Variants in SLIT3 observed in about 807,000 individuals in gnomAD.
SLIT3 encodes slit guidance ligand 3.
In SLIT3, 68 loss-of-function variants were observed where a neutral mutation model predicts 184.0. That is an observed-to-expected ratio of 0.37 (90% CI 0.30 to 0.45). The LOEUF (loss-of-function observed/expected upper bound fraction) is 0.45. Ranked by LOEUF, SLIT3 falls within the 20% of genes least tolerant of loss-of-function variation. The probability of loss-of-function intolerance (pLI) is 1.00; values close to 1 mark genes in which losing one functional copy is unlikely to be tolerated. For synonymous variants in SLIT3, 831 were observed against 828.6 expected, an observed-to-expected ratio of 1.00 and a Z score of -0.05; for missense variants, 1,707 against 2,026.0, an observed-to-expected ratio of 0.84 and a Z score of 3.02.
chr5:169,111,081 A>C (rs1321582639), intron 4 of SLIT3, among the ~76,000 whole-genome samples: 1 of 152,164 alleles, frequency 6.6e-6, no homozygotes, highest in African/African-American at 2.4e-5. Context: ...GCCTTGCTGT[A>C]AACTGCCCCA....
chr5:169,141,918 C>T (rs1761756286), intron 4 of SLIT3, among the ~76,000 whole-genome samples: 3 of 150,542 alleles, frequency 2.0e-5, no homozygotes, highest in Admixed American at 6.6e-5. Flanking sequence ...GGCGTGGTAG[C>T]GCATGCCTGT....
rs532307742 is a variant in SLIT3 at position 168,837,500 on chromosome 5, C to T, written c.557+7084G>A. Among the ~76,000 whole-genome samples, 4 of 152,292 alleles carry T rather than the reference C, an allele frequency of 2.6e-5. No homozygotes were observed. In the South Asian group the frequency reaches 6.2e-4, roughly 24 times the overall value. ...AATCAAAGGTAATGTGAAAAGTGGA[C>T]TGGTTCAGTAAAATACTACGTTGTT... On this transcript the variant is annotated intron_variant, in intron 6 of 35. Coordinates refer to ENST00000519560, the MANE Select transcript of SLIT3 (RefSeq NM_003062.4).
At chr5:168,871,177 TTCTC>T (rs200496570) in intron 5 of SLIT3, among the ~76,000 whole-genome samples, 2 of 152,130 alleles carry the variant, frequency 1.3e-5, no homozygotes, top group Non-Finnish European at 2.9e-5. Flanking sequence ...ACGTGGTCTT[TTCTC>T]TCTCTCTGCT....
rs1761039683 is a variant in SLIT3, at chr5:168,666,308, A to G, written c.*146T>C. The G allele has an allele frequency of 1.4e-6, 1 of 706,078 alleles. No homozygotes were observed. Among genetic ancestry groups the G allele is most frequent in the Admixed American group, 3.6e-5 (1 of 27,446 alleles). The allele number at this position is 706,078 out of a possible 1,614,324, so 43.7% of individuals were successfully genotyped here. A position where few individuals can be genotyped will look rare whatever the true frequency, so the allele number is the denominator to read the frequency against. ...TAAAAATAAGTTCTATTTTTTGTTTATTTTACAATATACTTAATATTCTCT... is the reference window on the plus strand; with the variant it reads ...TAAAAATAAGTTCTATTTTTTGTTTGTTTTACAATATACTTAATATTCTCT... On this transcript the variant is annotated 3_prime_UTR_variant, in exon 36 of 36. Coordinates refer to ENST00000519560, the MANE Select transcript of SLIT3 (RefSeq NM_003062.4).
chr5:168,807,468 T>A (rs1429864635), intron 8 of SLIT3, among the ~76,000 whole-genome samples: 1 of 152,172 alleles, frequency 6.6e-6, no homozygotes, highest in Admixed American at 6.5e-5. Flanking sequence ...GAGGTAAGAC[T>A]CTTAATCATA....
intron 18 of SLIT3, among the ~76,000 whole-genome samples, chr5:168,751,730 T>C (rs1184031528): frequency 1.6e-4 from 9 of 56,048 alleles, no homozygotes; most frequent in African/African-American, 1.5e-3. Flanking sequence ...AGTGACATCT[T>C]TTTTTTTTTT....
At chr5:168,893,189 A>G (rs966866839) in intron 4 of SLIT3, among the ~76,000 whole-genome samples, 1 of 152,214 alleles carries the variant, frequency 6.6e-6, no homozygotes, top group African/African-American at 2.4e-5. Context: ...GGTTTAATTT[A>G]TCAACCTTGG....
chr5:168,835,856 G>A (rs1581130283), intron 6 of SLIT3, among the ~76,000 whole-genome samples: 1 of 151,860 alleles, frequency 6.6e-6, no homozygotes, highest in South Asian at 2.1e-4. Flanking sequence ...AGTTTGTGTA[G>A]AGGTCTTGCT....
intron 4 of SLIT3, among the ~76,000 whole-genome samples, chr5:169,155,900 A>G (rs957775063): frequency 2.0e-5 from 3 of 152,206 alleles, no homozygotes; most frequent in African/African-American, 7.2e-5. Flanking sequence ...ACATCCCATA[A>G]GCTGCCTCTT....
At chr5:168,894,050 T>C (rs1008084122) in intron 4 of SLIT3, among the ~76,000 whole-genome samples, 3 of 152,228 alleles carry the variant, frequency 2.0e-5, no homozygotes, top group Admixed American at 6.5e-5. Context: ...CATCCTCTTA[T>C]CTTTTCCTGA....
At chr5:168,881,214 G>T (rs929347081) in intron 5 of SLIT3, among the ~76,000 whole-genome samples, 11 of 152,202 alleles carry the variant, frequency 7.2e-5, no homozygotes, top group African/African-American at 2.2e-4. Flanking sequence ...GTGGTCTGAT[G>T]GTGGGTGCTG....
chr5:168,935,260 G>A (rs79138734), intron 4 of SLIT3, among the ~76,000 whole-genome samples: 2,798 of 152,150 alleles, frequency 0.018, 43 homozygotes, highest in Middle Eastern at 0.034. Flanking sequence ...CTTGTCTGAG[G>A]GCACACTCTA....
At chr5:168,962,018 C>G (rs1478587022) in intron 4 of SLIT3, among the ~76,000 whole-genome samples, 1 of 152,036 alleles carries the variant, frequency 6.6e-6, no homozygotes, top group Admixed American at 6.6e-5. Flanking sequence ...GTTGGCTCCT[C>G]CACGGTACAG....
At position 168,785,902 on chromosome 5, in the gene SLIT3, C is replaced by T; in HGVS notation, c.1151+5G>A. The T allele has an allele frequency of 6.2e-7, 1 of 1,609,286 alleles. No individual in the cohort carries two copies. The highest frequency in any genetic ancestry group is 8.5e-7 in the Non-Finnish European group (1 of 1,175,746). On this transcript the variant is annotated splice_donor_5th_base_variant and intron_variant, in intron 12 of 35. Transcript: ENST00000519560. ...GACACCAACAGTGACAAAGTTCCTA[C>T]TCACAGCAGCTGTAGGGACACCAGC...
At chr5:169,175,935 G>C (rs1253026621) in intron 4 of SLIT3, among the ~76,000 whole-genome samples, 1 of 152,186 alleles carries the variant, frequency 6.6e-6, no homozygotes, top group Non-Finnish European at 1.5e-5. Context: ...AAGCCATATG[G>C]ACCTTGCTCT....
chr5:168,954,132 G>C (rs371240048), intron 4 of SLIT3, among the ~76,000 whole-genome samples: 2 of 152,226 alleles, frequency 1.3e-5, no homozygotes, highest in South Asian at 4.2e-4. Context: ...AGGCAAGAAG[G>C]GGGGCAGAAT....
At chr5:169,011,466 C>T (rs1756150347) in intron 4 of SLIT3, among the ~76,000 whole-genome samples, 1 of 152,132 alleles carries the variant, frequency 6.6e-6, no homozygotes, top group African/African-American at 2.4e-5. Context: ...GGCTTCATTC[C>T]TCCGCGGCTC....
At chr5:169,058,273 A>G (rs1324618032) in intron 4 of SLIT3, among the ~76,000 whole-genome samples, 2 of 152,120 alleles carry the variant, frequency 1.3e-5, no homozygotes, top group Admixed American at 6.5e-5. Context: ...CTTTCTCCCC[A>G]CTAGTATTCC....
Position 168,787,562 on chromosome 5 carries a change from TAC to T in SLIT3, c.1080-1586_1080-1585del, listed in dbSNP as rs576086905. ...TTAGTTAATGTTTTATATCACCTGT[TAC>T]CCTATTTTAGTTTCTTCATATCGCT... On this transcript the variant is annotated intron_variant, in intron 11 of 35. Coordinates refer to ENST00000519560, the MANE Select transcript of SLIT3 (RefSeq NM_003062.4). Among the ~76,000 whole-genome samples, 410 of 152,350 alleles carry T rather than the reference TAC, an allele frequency of 2.7e-3. 2 individuals are homozygous for T. Among genetic ancestry groups the T allele is most frequent in the African/African-American group, 9.2e-3 (382 of 41,572 alleles).
Sources: allele counts gnomAD v4.1 joint callset (sites outside exome capture counted in the v4.1 genomes callset), GRCh38; gene constraint gnomAD v4.1.1; transcripts MANE v1.5; gene names NCBI Gene and HGNC (gene_info 2026-07-23, HGNC 2026-07-21).